NRXN1: variants seen among roughly 807,000 people sequenced by gnomAD.
The protein encoded by NRXN1 is neurexin 1.
Under a neutral mutation model 150.9 loss-of-function variants are expected in NRXN1, and 39 were observed. The observed-to-expected ratio is 0.26, with a 90% confidence interval of 0.20 to 0.34. NRXN1 has a LOEUF of 0.34. Among genes scored for constraint, NRXN1 ranks in the 10% least tolerant of loss-of-function variants. The pLI, the probability that NRXN1 is intolerant of heterozygous loss-of-function variation, is 1.00. For missense variants in NRXN1, 1,815 were observed against 1,949.9 expected, an observed-to-expected ratio of 0.93 and a Z score of 1.30; for synonymous variants, 924 against 757.0, an observed-to-expected ratio of 1.22 and a Z score of -3.62.
intron 17 of NRXN1, among the ~76,000 whole-genome samples, chr2:50,431,393 T>A (rs2084952721): frequency 6.6e-6 from 1 of 152,226 alleles, no homozygotes; most frequent in Admixed American, 6.5e-5. Context: ...GCTCTTTAAT[T>A]GCTCATTCTT....
chr2:50,417,774 C>CA (rs1450396008), intron 17 of NRXN1, among the ~76,000 whole-genome samples: 5 of 151,666 alleles, frequency 3.3e-5, no homozygotes, highest in Admixed American at 6.6e-5. Flanking sequence ...ATTAAAGAAA[C>CA]AAAGAAGAAA....
chr2:50,005,493 C>T (rs1296164350), intron 21 of NRXN1, among the ~76,000 whole-genome samples: 1 of 152,098 alleles, frequency 6.6e-6, no homozygotes, highest in Non-Finnish European at 1.5e-5. Flanking sequence ...ATGAGAGTCT[C>T]CTTACTCACA....
At chr2:50,826,544 C>T (rs1051516540) in intron 5 of NRXN1, among the ~76,000 whole-genome samples, 9 of 151,946 alleles carry the variant, frequency 5.9e-5, no homozygotes, top group East Asian at 3.9e-4. Flanking sequence ...CATATAAATT[C>T]GGGATACATT....
intron 19 of NRXN1, among the ~76,000 whole-genome samples, chr2:50,074,840 T>C (rs1433865487): frequency 6.6e-6 from 1 of 152,224 alleles, no homozygotes; most frequent in Non-Finnish European, 1.5e-5. Context: ...GTGAATACAA[T>C]GGAGCTTCTC....
intron 2 of NRXN1, among the ~76,000 whole-genome samples, chr2:50,957,754 G>A (rs1442759197): frequency 1.3e-5 from 2 of 151,936 alleles, no homozygotes; most frequent in South Asian, 2.1e-4. Flanking sequence ...TTGATTTCTT[G>A]TAAAATATTG....
At chr2:50,697,822 G>A (rs1005986265) in intron 5 of NRXN1, among the ~76,000 whole-genome samples, 4 of 152,080 alleles carry the variant, frequency 2.6e-5, no homozygotes, top group African/African-American at 9.7e-5. Flanking sequence ...CTCCAGGTTG[G>A]CACTTTTGTT....
intron 5 of NRXN1, among the ~76,000 whole-genome samples, chr2:50,789,117 A>C (rs1705574252): frequency 6.6e-6 from 1 of 152,304 alleles, no homozygotes; most frequent in African/African-American, 2.4e-5. Flanking sequence ...ATGGCCAAGG[A>C]TTTTAAGTGT....
intron 18 of NRXN1, among the ~76,000 whole-genome samples, chr2:50,127,571 C>T (rs1289008667): frequency 6.6e-6 from 1 of 152,088 alleles, no homozygotes; most frequent in Non-Finnish European, 1.5e-5. Context: ...AGGAAACTGT[C>T]AATAGGTATC....
chr2:50,323,957 T>C (rs930022578), intron 17 of NRXN1, among the ~76,000 whole-genome samples: 9 of 152,042 alleles, frequency 5.9e-5, no homozygotes, highest in Non-Finnish European at 1.0e-4. Context: ...AGTTCACTAG[T>C]GAGGATTTTG....
intron 17 of NRXN1, among the ~76,000 whole-genome samples, chr2:50,455,122 T>G (rs2104563792): frequency 6.6e-6 from 1 of 152,290 alleles, no homozygotes; most frequent in East Asian, 1.9e-4. Context: ...CAAAGCATGC[T>G]GTAGAGTTGT....
At chr2:50,222,826 T>G (rs1043431977) in intron 18 of NRXN1, among the ~76,000 whole-genome samples, 12 of 151,912 alleles carry the variant, frequency 7.9e-5, no homozygotes, top group African/African-American at 2.4e-4. Context: ...ATACAAATCC[T>G]TGTACCTATA....
intron 17 of NRXN1, among the ~76,000 whole-genome samples, chr2:50,355,327 G>C (rs1392442040): frequency 6.7e-6 from 1 of 150,236 alleles, no homozygotes; most frequent in African/African-American, 2.4e-5. Context: ...CATTTTGTCA[G>C]AGATATTCTG....
At chr2:50,414,983 A>T (rs1350649439) in intron 17 of NRXN1, among the ~76,000 whole-genome samples, 1 of 152,130 alleles carries the variant, frequency 6.6e-6, no homozygotes, top group Non-Finnish European at 1.5e-5. Flanking sequence ...CTTTCAATGG[A>T]CACCCTTCAT....
At chr2:50,725,406 T>C (rs1697219948) in intron 5 of NRXN1, among the ~76,000 whole-genome samples, 1 of 151,090 alleles carries the variant, frequency 6.6e-6, no homozygotes, top group Non-Finnish European at 1.5e-5. Flanking sequence ...GGTATTGCAG[T>C]ACTTAAGTAA....
intron 21 of NRXN1, among the ~76,000 whole-genome samples, chr2:49,986,128 T>C (rs1342355883): frequency 1.3e-5 from 2 of 152,174 alleles, no homozygotes; most frequent in African/African-American, 4.8e-5. Context: ...AAGTGATAAA[T>C]TGGCCAGAAA....
At chr2:50,612,386 T>C (rs143353535) in intron 8 of NRXN1, among the ~76,000 whole-genome samples, 1 of 152,250 alleles carries the variant, frequency 6.6e-6, no homozygotes, top group Non-Finnish European at 1.5e-5. Context: ...GTTTTTTTTC[T>C]TCTTCTTCCA....
chr2:50,249,157 A>G (rs1251126580), intron 17 of NRXN1, among the ~76,000 whole-genome samples: 1 of 48,420 alleles, frequency 2.1e-5, no homozygotes, highest in Non-Finnish European at 4.6e-5. Flanking sequence ...ACCCTTTCTT[A>G]AAAAAAAAAA....
intron 5 of NRXN1, among the ~76,000 whole-genome samples, chr2:50,910,073 T>C (rs1239757598): frequency 6.6e-6 from 1 of 151,914 alleles, no homozygotes; most frequent in Non-Finnish European, 1.5e-5. Context: ...AAAAAAAATG[T>C]ATCACAAAAA....
chr2:50,764,273 T>C (rs984005193), intron 5 of NRXN1, among the ~76,000 whole-genome samples: 9 of 151,928 alleles, frequency 5.9e-5, no homozygotes, highest in East Asian at 3.9e-4. Context: ...TAGTGGGGCA[T>C]GACATAAAGC....
Sources: allele counts gnomAD v4.1 joint callset (sites outside exome capture counted in the v4.1 genomes callset), GRCh38; gene constraint gnomAD v4.1.1; transcripts MANE v1.5; gene names NCBI Gene and HGNC (gene_info 2026-07-23, HGNC 2026-07-21).